DNAJC5B: variants seen among roughly 807,000 people sequenced by gnomAD.
DNAJC5B encodes the protein DnaJ heat shock protein family (Hsp40) member C5 beta, also known as dnaJ homolog subfamily C member 5B.
Under a neutral mutation model 24.7 loss-of-function variants are expected in DNAJC5B, and 23 were observed. The ratio of observed to expected loss-of-function variants is 0.93; its 90% confidence interval spans 0.67 to 1.32. The LOEUF is 1.32. Among genes scored for constraint, DNAJC5B ranks in the 40% most tolerant of loss-of-function variants. The pLI is 0.00. For missense variants in DNAJC5B, 238 were observed against 240.8 expected, an observed-to-expected ratio of 0.99 and a Z score of 0.08; for synonymous variants, 101 against 90.1, an observed-to-expected ratio of 1.12 and a Z score of -0.68.
chr8:66,089,303 T>A (rs1807795678), intron 5 of DNAJC5B, among the ~76,000 whole-genome samples: 1 of 152,178 alleles, frequency 6.6e-6, no homozygotes, highest in Admixed American at 6.5e-5. Context: ...TCCAATCACC[T>A]CCCTTGACAT....
chr8:66,038,679 C>G, intron 1 of DNAJC5B, among the ~76,000 whole-genome samples: 1 of 152,122 alleles, frequency 6.6e-6, no homozygotes, highest in East Asian at 1.9e-4. Flanking sequence ...TTTTTGTTTT[C>G]TACCTTTTTT....
chr8:66,034,522 G>C (rs1174088061), intron 1 of DNAJC5B, among the ~76,000 whole-genome samples: 1 of 151,912 alleles, frequency 6.6e-6, no homozygotes, highest in Non-Finnish European at 1.5e-5. Flanking sequence ...GGAGCTCGGA[G>C]GTATCAGAGA....
At chr8:66,074,866 G>A (rs1807427413) in intron 3 of DNAJC5B, among the ~76,000 whole-genome samples, 1 of 152,146 alleles carries the variant, frequency 6.6e-6, no homozygotes, top group Non-Finnish European at 1.5e-5. Context: ...TGTTGCTGAT[G>A]ACCAGGAATT....
At position 66,100,199 on chromosome 8, in the gene DNAJC5B, T is replaced by C; in HGVS notation, c.*168T>C. 2 of 565,820 alleles carry C rather than the reference T, an allele frequency of 3.5e-6. No individual in the cohort carries two copies. Among genetic ancestry groups the C allele is most frequent in the South Asian group, 5.2e-5 (2 of 38,434 alleles). 35.0% of individuals were successfully genotyped at this position (565,820 alleles called of 1,614,324 possible). Reference sequence around the variant, plus strand: ...TATATAATTTTCTCAGTATGCAGACTTTCTCTCTGAGTAGAATTTCTTATG... The same window carrying C: ...TATATAATTTTCTCAGTATGCAGACCTTCTCTCTGAGTAGAATTTCTTATG... On this transcript the variant is annotated 3_prime_UTR_variant, in exon 6 of 6. Coordinates refer to ENST00000276570, the MANE Select transcript of DNAJC5B (RefSeq NM_033105.6).
chr8:66,034,954 T>A (rs965541751), intron 1 of DNAJC5B, among the ~76,000 whole-genome samples: 2 of 152,208 alleles, frequency 1.3e-5, no homozygotes, highest in Non-Finnish European at 2.9e-5. Context: ...AGTTGTTGGG[T>A]CATCTTGTCC....
intron 5 of DNAJC5B, among the ~76,000 whole-genome samples, chr8:66,084,824 C>A (rs1807685403): frequency 6.6e-6 from 1 of 152,170 alleles, no homozygotes; most frequent in Non-Finnish European, 1.5e-5. Context: ...TTGATGAAAT[C>A]ATATTTATCA....
At chr8:66,048,578 C>T (rs1306542168) in intron 2 of DNAJC5B, among the ~76,000 whole-genome samples, 3 of 152,050 alleles carry the variant, frequency 2.0e-5, no homozygotes, top group Non-Finnish European at 4.4e-5. Context: ...TCTAAACTCC[C>T]CTCATCTTCT....
upstream of DNAJC5B, among the ~76,000 whole-genome samples, chr8:66,021,213 G>T (rs549583327): frequency 2.0e-5 from 3 of 152,166 alleles, no homozygotes; most frequent in Non-Finnish European, 4.4e-5. Context: ...TCTTCACCAC[G>T]TGGGGCCTCA....
At chr8:66,098,147 C>T (rs1807994307) in intron 5 of DNAJC5B, among the ~76,000 whole-genome samples, 1 of 152,106 alleles carries the variant, frequency 6.6e-6, no homozygotes, top group South Asian at 2.1e-4. Context: ...AGCCACTGCA[C>T]CCAGCCCAAA....
chr8:66,029,193 A>T (rs1188873346), intron 1 of DNAJC5B, among the ~76,000 whole-genome samples: 1 of 152,176 alleles, frequency 6.6e-6, no homozygotes, highest in East Asian at 1.9e-4. Flanking sequence ...GACATTTAAA[A>T]AATTTGACCC....
chr8:66,057,460 A>T (rs1207378857), intron 3 of DNAJC5B: 1 of 152,204 alleles, frequency 6.6e-6, no homozygotes, highest in Non-Finnish European at 1.5e-5. Flanking sequence ...CAACATTTAT[A>T]GCATTGACAT....
intron 4 of DNAJC5B, among the ~76,000 whole-genome samples, chr8:66,077,692 C>T (rs528066648): frequency 2.4e-4 from 37 of 152,210 alleles, no homozygotes; most frequent in South Asian, 1.0e-3. Flanking sequence ...TCTAAAAAGG[C>T]AGGTTTACTA....
At chr8:66,042,178 G>A (rs1806624544) in intron 1 of DNAJC5B, among the ~76,000 whole-genome samples, 1 of 152,134 alleles carries the variant, frequency 6.6e-6, no homozygotes, top group Non-Finnish European at 1.5e-5. Flanking sequence ...CAGGGTCTGT[G>A]TTGACTTTTG....
intron 2 of DNAJC5B, among the ~76,000 whole-genome samples, chr8:66,050,454 C>T (rs1162342099): frequency 6.6e-6 from 1 of 152,212 alleles, no homozygotes; most frequent in Admixed American, 6.5e-5. Context: ...CACTCTCTTT[C>T]ACCCTCTCTT....
At chr8:66,083,438 T>C (rs1807648772) in intron 5 of DNAJC5B, among the ~76,000 whole-genome samples, 1 of 152,216 alleles carries the variant, frequency 6.6e-6, no homozygotes, top group Non-Finnish European at 1.5e-5. Flanking sequence ...ATTGATAATG[T>C]TGTCTACATT....
At chr8:66,066,577 C>T (rs1807200676) in intron 3 of DNAJC5B, among the ~76,000 whole-genome samples, 1 of 152,096 alleles carries the variant, frequency 6.6e-6, no homozygotes, top group African/African-American at 2.4e-5. Flanking sequence ...ATGTCTTTTG[C>T]AGCAACTTGG....
chr8:66,084,962 G>C (rs1445182076), intron 5 of DNAJC5B, among the ~76,000 whole-genome samples: 4 of 151,812 alleles, frequency 2.6e-5, no homozygotes, highest in African/African-American at 9.7e-5. Flanking sequence ...TTAGATTTAT[G>C]ACGCATTTTG....
At chr8:66,045,467 T>C (rs1315954661) in intron 2 of DNAJC5B, among the ~76,000 whole-genome samples, 1 of 152,218 alleles carries the variant, frequency 6.6e-6, no homozygotes, top group African/African-American at 2.4e-5. Flanking sequence ...TTAAATGAAG[T>C]GATGATTGGA....
intron 1 of DNAJC5B, among the ~76,000 whole-genome samples, chr8:66,040,741 C>T (rs1806590303): frequency 6.6e-6 from 1 of 151,986 alleles, no homozygotes; most frequent in Non-Finnish European, 1.5e-5. Context: ...CTGGGTGGGC[C>T]CTGGGCGTCA....
Sources: allele counts gnomAD v4.1 joint callset (sites outside exome capture counted in the v4.1 genomes callset), GRCh38; gene constraint gnomAD v4.1.1; transcripts MANE v1.5; gene names NCBI Gene and HGNC (gene_info 2026-07-23, HGNC 2026-07-21).